The following ACAD10 variants were observed in gnomAD, a reference collection of about 807,000 sequenced individuals.
ACAD10 encodes acyl-CoA dehydrogenase family member 10.
A neutral mutation model predicts 116.8 loss-of-function variants in ACAD10; 112 were observed. The ratio of observed to expected loss-of-function variants is 0.96; its 90% CI spans 0.82 to 1.12. ACAD10 has a LOEUF of 1.12. ACAD10 is among the 50% of genes most tolerant of loss of function. The pLI is 0.00. For missense variants in ACAD10, 1,259 were observed against 1,350.2 expected (o/e 0.93, Z 1.06); for synonymous variants, 486 against 510.6 (o/e 0.95, Z 0.65).
chr12:111,689,713 T>G (rs1887982439), intron 1 of ACAD10, among the ~76,000 whole-genome samples: 1 of 151,456 alleles, frequency 6.6e-6, no homozygotes, highest in Non-Finnish European at 1.5e-5. Context: ...ACTTCAAATA[T>G]TTTCTTCTTT....
chr12:111,701,238 G>A (rs190893256), intron 2 of ACAD10, among the ~76,000 whole-genome samples: 1 of 152,276 alleles, frequency 6.6e-6, no homozygotes, highest in Admixed American at 6.5e-5. Flanking sequence ...TTTGCCCCCA[G>A]CATCTGTATT....
At chr12:111,713,454 G>A (rs534892746) in intron 6 of ACAD10, among the ~76,000 whole-genome samples, 1 of 151,878 alleles carries the variant, frequency 6.6e-6, no homozygotes, top group South Asian at 2.1e-4. Flanking sequence ...GTGAAACCTT[G>A]ACTCTACTAA....
intron 2 of ACAD10, among the ~76,000 whole-genome samples, chr12:111,694,664 T>C (rs1379113597): frequency 1.3e-5 from 2 of 152,168 alleles, no homozygotes; most frequent in African/African-American, 2.4e-5. Flanking sequence ...GCCTCCTAAC[T>C]TCCTCTGCCT....
rs1566158658 is a variant in ACAD10 at position 111,729,884 on chromosome 12, A to G, written c.1322A>G (p.Glu441Gly). 3.1e-6 allele frequency: 5 copies of G among 1,614,124 alleles called. No homozygotes were observed. In the Admixed American group the frequency reaches 5.0e-5, roughly 16 times the overall value. ...ASETSTIPAM[E>G]RLIEWLPLHL... ...GAAACTAGCACCATCCCAGCCATGGAGAGGCTGATCGAATGGCTGCCCCTC... is the reference window on the plus strand; with the variant it reads ...GAAACTAGCACCATCCCAGCCATGGGGAGGCTGATCGAATGGCTGCCCCTC... Residue 441 changes from glutamate to glycine, a missense_variant, in exon 10 of 21, where the codon GAG (glutamate) becomes GGG (glycine). Coordinates refer to ENST00000313698, the MANE Select transcript of ACAD10 (RefSeq NM_025247.6).
Position 111,718,036 on chromosome 12 carries a change from C to CTTTTTTTTTTTTTTTTT in ACAD10, c.992+2089_992+2105dup, listed in dbSNP as rs560344796. ...TATACGTAGGATCTATAGTGATATC[C>CTTTTTTTTTTTTTTTTT]TTTTTTTTTTTTTTTTTTTTTTTTT... On this transcript the variant is annotated intron_variant, in intron 7 of 20. Coordinates refer to ENST00000313698, the MANE Select transcript of ACAD10 (RefSeq NM_025247.6). Among the ~76,000 whole-genome samples the CTTTTTTTTTTTTTTTTT allele has an allele frequency of 1.7e-4, 11 of 63,676 alleles. 2 individuals are homozygous for CTTTTTTTTTTTTTTTTT. The highest frequency in any genetic ancestry group is 8.2e-4 in the African/African-American group (10 of 12,206). 41.8% of individuals were successfully genotyped at this position (63,676 alleles called of 152,430 possible).
At chr12:111,709,224 T>G (rs1447186956) in intron 4 of ACAD10, among the ~76,000 whole-genome samples, 1 of 152,138 alleles carries the variant, frequency 6.6e-6, no homozygotes, top group East Asian at 1.9e-4. Context: ...ACTATTAATA[T>G]TATTCCCATT....
Position 111,705,866 on chromosome 12 carries a change from G to A in ACAD10, c.465G>A (p.Leu155=), listed in dbSNP as rs1888487290. 6.2e-7 allele frequency: 1 copy of A among 1,614,148 alleles called. No homozygotes were observed. The highest frequency in any genetic ancestry group is 8.5e-7 in the Non-Finnish European group (1 of 1,180,024). The change falls in exon 4 of 21, where the codon TTG becomes TTA. Residue 155 remains leucine, a synonymous_variant. Transcript: ENST00000313698. ...CAAAAGGTCTTCAGACTGCAGTCTT[G>A]AGCAATAATTTTTATCTTCCCAACC... ...IRAKGLQTAV[L]SNNFYLPNQK... is the part of the protein sequence containing the mutation.
chr12:111,736,969 C>T lies in ACAD10; in HGVS notation c.1679C>T (p.Ala560Val). 6.2e-7 allele frequency: 1 copy of T among 1,613,828 alleles called. No homozygotes were observed. The stretch of plus-strand genomic sequence containing the variant: ...GCTTTTTCCTTTTTCCGTGTGGCTG[C>T]AATCCTACAGGGAGTCTACAAGCGA... ...YMAFSFFRVA[A>V]ILQGVYKRSL... is the part of the protein sequence containing the mutation. The change falls in exon 12 of 21, where the codon GCA becomes GTA. Residue 560 changes from alanine to valine, a missense_variant. Transcript: ENST00000313698.
At chr12:111,735,853 T>C (rs1889540713) in intron 11 of ACAD10, among the ~76,000 whole-genome samples, 1 of 152,056 alleles carries the variant, frequency 6.6e-6, no homozygotes, top group African/African-American at 2.4e-5. Flanking sequence ...TGTTTATTTA[T>C]TTTTGAGATG....
At chr12:111,722,306 C>T (rs1332469195) in intron 8 of ACAD10, among the ~76,000 whole-genome samples, 2 of 152,216 alleles carry the variant, frequency 1.3e-5, no homozygotes, top group Non-Finnish European at 2.9e-5. Flanking sequence ...TCACGTGATC[C>T]ACCCACTTTG....
chr12:111,716,001 C>T (rs866179955), intron 7 of ACAD10, 39 bp downstream of exon 7: 16 of 1,612,582 alleles, frequency 9.9e-6, no homozygotes, highest in Non-Finnish European at 1.4e-5. Flanking sequence ...GCCCACTAGC[C>T]TCCACTGTGC....
At chr12:111,755,573 T>A in intron 19 of ACAD10, 95 bp from the exon 20 acceptor site, 1 of 851,728 alleles carries the variant, frequency 1.2e-6, no homozygotes. Flanking sequence ...CTGCTAGTTT[T>A]TGTATTTTTA....
rs1004405801 is a variant in ACAD10 at position 111,702,273 on chromosome 12, G to A, written c.299G>A (p.Gly100Asp). 18 of 1,613,978 alleles carry A rather than the reference G, an allele frequency of 1.1e-5. No individual in the cohort carries two copies. The highest frequency in any genetic ancestry group is 4.2e-6 in the Non-Finnish European group (5 of 1,180,012). ...RFMRAEITAE[G>D]FLREFGRLCS... ...ATGAGAGCAGAAATAACAGCAGAGGGTTTTTTACGAGAATTTGGGAGACTT... is the reference window on the plus strand; with the variant it reads ...ATGAGAGCAGAAATAACAGCAGAGGATTTTTTACGAGAATTTGGGAGACTT... Residue 100 changes from glycine (G) to aspartate (D), a missense_variant, in exon 3 of 21, where the codon GGT becomes GAT. Transcript: ENST00000313698.
At chr12:111,754,217 A>G (rs1890146765) in intron 19 of ACAD10, among the ~76,000 whole-genome samples, 1 of 152,206 alleles carries the variant, frequency 6.6e-6, no homozygotes, top group African/African-American at 2.4e-5. Flanking sequence ...TAAGGCAGGG[A>G]AAAGGGACCC....
At chr12:111,691,523 T>C (rs777967384) in intron 1 of ACAD10, among the ~76,000 whole-genome samples, 3 of 151,832 alleles carry the variant, frequency 2.0e-5, no homozygotes, top group Non-Finnish European at 4.4e-5. Context: ...GGAAACTGCA[T>C]GTAGATGTGT....
chr12:111,745,784 G>A (rs1414864275), intron 13 of ACAD10: 13 of 164,172 alleles, frequency 7.9e-5, no homozygotes, highest in Admixed American at 1.9e-4. Flanking sequence ...TGATCCGCCC[G>A]CCTCGGCCTC....
chr12:111,723,637 C>CG (rs1412747130), intron 8 of ACAD10, among the ~76,000 whole-genome samples: 1 of 135,464 alleles, frequency 7.4e-6, no homozygotes, highest in Non-Finnish European at 1.6e-5. Context: ...GCTGGCCGGG[C>CG]GGGGGGCTGA....
At chr12:111,695,166 AG>A (rs1214665352) in intron 2 of ACAD10, among the ~76,000 whole-genome samples, 2 of 152,214 alleles carry the variant, frequency 1.3e-5, no homozygotes, top group Non-Finnish European at 2.9e-5. Flanking sequence ...TCTCAGTTTT[AG>A]CTTTCCTGCT....
intron 8 of ACAD10, among the ~76,000 whole-genome samples, chr12:111,723,330 C>CA (rs1889090861): frequency 7.0e-6 from 1 of 142,124 alleles, no homozygotes; most frequent in Non-Finnish European, 1.6e-5. Context: ...GCTGACCCCC[C>CA]CACCTCCCTC....
Sources: allele counts gnomAD v4.1 joint callset (sites outside exome capture counted in the v4.1 genomes callset), GRCh38; gene constraint gnomAD v4.1.1; transcripts MANE v1.5; gene names NCBI Gene and HGNC (gene_info 2026-07-23, HGNC 2026-07-21).